ZMIZ1: variants seen among roughly 807,000 people sequenced by gnomAD.
ZMIZ1 encodes zinc finger MIZ domain-containing protein 1.
In ZMIZ1, 17 loss-of-function variants were observed where a neutral mutation model predicts 113.9. The observed-to-expected ratio is 0.15, with a 90% CI of 0.10 to 0.22. The LOEUF (loss-of-function observed/expected upper bound fraction) is 0.22. ZMIZ1 is among the 10% of genes least tolerant of loss of function. The pLI, the probability that ZMIZ1 is intolerant of heterozygous loss-of-function variation, is 1.00. For missense variants in ZMIZ1, 1,059 were observed against 1,477.8 expected, an observed-to-expected ratio of 0.72 and a Z score of 4.65; for synonymous variants, 607 against 603.1, an observed-to-expected ratio of 1.01 and a Z score of -0.09.
intron 4 of ZMIZ1, among the ~76,000 whole-genome samples, chr10:79,197,917 T>G (rs1265585853): frequency 6.6e-6 from 1 of 152,126 alleles, no homozygotes; most frequent in Non-Finnish European, 1.5e-5. Flanking sequence ...CATTTTAATC[T>G]CCGCACGCCC....
At chr10:79,098,558 A>G (rs959624392) in intron 1 of ZMIZ1, among the ~76,000 whole-genome samples, 3 of 152,210 alleles carry the variant, frequency 2.0e-5, no homozygotes, top group African/African-American at 2.4e-5. Flanking sequence ...AGCACCTGAT[A>G]AGTAATTGGC....
At chr10:79,205,895 A>C (rs111771854) in intron 5 of ZMIZ1, among the ~76,000 whole-genome samples, 4,396 of 152,156 alleles carry the variant, frequency 0.029, 202 homozygotes, top group African/African-American at 0.1. Flanking sequence ...TCAGGAGTTT[A>C]AGACCAGCCT....
intron 7 of ZMIZ1, among the ~76,000 whole-genome samples, chr10:79,237,576 AC>A (rs1364167943): frequency 1.3e-5 from 2 of 152,168 alleles, no homozygotes; most frequent in East Asian, 3.9e-4. Context: ...TGGCAACATA[AC>A]TTCAGTCTTC....
intron 7 of ZMIZ1, among the ~76,000 whole-genome samples, chr10:79,268,008 C>G (rs1355835433): frequency 6.6e-6 from 1 of 152,208 alleles, no homozygotes. Context: ...CCTTGAACTC[C>G]CAGGCTTCCC....
At chr10:79,130,785 A>G (rs568270716) in intron 2 of ZMIZ1, among the ~76,000 whole-genome samples, 27 of 152,270 alleles carry the variant, frequency 1.8e-4, no homozygotes, top group African/African-American at 6.3e-4. Flanking sequence ...GGGATTCAAT[A>G]AAGTGACACT....
chr10:79,190,134 T>A (rs1283457148), intron 4 of ZMIZ1, among the ~76,000 whole-genome samples: 2 of 152,170 alleles, frequency 1.3e-5, no homozygotes, highest in African/African-American at 2.4e-5. Flanking sequence ...TGCTTCCTAG[T>A]AAGAGCCAAG....
chr10:79,151,162 C>T (rs1845697477), intron 3 of ZMIZ1, among the ~76,000 whole-genome samples: 1 of 152,162 alleles, frequency 6.6e-6, no homozygotes, highest in African/African-American at 2.4e-5. Flanking sequence ...AGACCAGGCA[C>T]CTGAGCAGCC....
At chr10:79,298,955 G>A (rs1393391409) in intron 15 of ZMIZ1, 95 bp from the exon 16 acceptor site, 1 of 1,478,040 alleles carries the variant, frequency 6.8e-7, no homozygotes, top group East Asian at 2.4e-5. Context: ...GCCTTCCTCT[G>A]AGCATGCAGC....
intron 2 of ZMIZ1, among the ~76,000 whole-genome samples, chr10:79,138,027 C>G (rs2132401748): frequency 6.6e-6 from 1 of 152,344 alleles, no homozygotes; most frequent in East Asian, 1.9e-4. Context: ...CACTCTCCTT[C>G]ACCTCCTGAC....
intron 4 of ZMIZ1, among the ~76,000 whole-genome samples, chr10:79,187,379 A>G (rs1847393503): frequency 6.6e-6 from 1 of 152,230 alleles, no homozygotes; most frequent in Admixed American, 6.5e-5. Flanking sequence ...TTCCGGTCCC[A>G]GCAACCTCAC....
chr10:79,233,239 G>A (rs1000038447), intron 7 of ZMIZ1, among the ~76,000 whole-genome samples: 2 of 152,260 alleles, frequency 1.3e-5, no homozygotes, highest in Non-Finnish European at 2.9e-5. Flanking sequence ...CGCAGCTGGG[G>A]AGACTGAGGC....
At chr10:79,253,530 C>T (rs369437066) in intron 7 of ZMIZ1, among the ~76,000 whole-genome samples, 2 of 152,188 alleles carry the variant, frequency 1.3e-5, no homozygotes, top group African/African-American at 2.4e-5. Flanking sequence ...AAGCCTTCCA[C>T]GTATGCAGTG....
At chr10:79,249,857 G>C (rs539486983) in intron 7 of ZMIZ1, among the ~76,000 whole-genome samples, 2 of 152,130 alleles carry the variant, frequency 1.3e-5, no homozygotes, top group African/African-American at 4.8e-5. Flanking sequence ...ACTACCCGGG[G>C]CTCTTAAAAT....
intron 16 of ZMIZ1, 67 bp from the exon 17 acceptor site, chr10:79,300,665 C>T (rs763890166): frequency 1.6e-4 from 245 of 1,515,498 alleles, no homozygotes; most frequent in Admixed American, 2.8e-4. Flanking sequence ...TGACCTGGCT[C>T]GGGGTCACGG....
Position 79,296,901 on chromosome 10 carries a change from G to T in ZMIZ1, c.1413+248G>T. 1 of 388,752 alleles carries T rather than the reference G, an allele frequency of 2.6e-6. No homozygotes were observed. Among genetic ancestry groups the T allele is most frequent in the Non-Finnish European group, 4.5e-6 (1 of 220,008 alleles). The allele number at this position is 388,752 out of a possible 1,614,324, so 24.1% of individuals were successfully genotyped here. A position where few individuals can be genotyped will look rare whatever the true frequency, so the allele number is the denominator to read the frequency against. ...TTTTTTTCTCCTTTTCTTATTCACGGCACTCACAAAATAATAAAGGAAATA... is the reference window on the plus strand; with the variant it reads ...TTTTTTTCTCCTTTTCTTATTCACGTCACTCACAAAATAATAAAGGAAATA... On this transcript the variant is annotated intron_variant, in intron 13 of 24. Coordinates refer to ENST00000334512, the MANE Select transcript of ZMIZ1 (RefSeq NM_020338.4). The surrounding 1 kb of genome is among the most constrained non-coding windows in gnomAD (Gnocchi z 4.1).
At chr10:79,299,219 C>T (rs1854128596) in intron 16 of ZMIZ1, 28 bp downstream of exon 16, 3 of 1,585,358 alleles carry the variant, frequency 1.9e-6, no homozygotes, top group Non-Finnish European at 2.6e-6. Context: ...GGCGCCAGCC[C>T]AGGCGGGATG....
chr10:79,167,844 A>G (rs114133899), intron 4 of ZMIZ1, among the ~76,000 whole-genome samples: 1,731 of 152,180 alleles, frequency 0.011, 33 homozygotes, highest in African/African-American at 0.04. Flanking sequence ...AGCCCCTCCC[A>G]CATCAGCCAG....
chr10:79,216,252 C>T lies in ZMIZ1; in HGVS notation c.258C>T (p.Asp86=), dbSNP rs750739575. 20 of 1,591,798 alleles carry T rather than the reference C, an allele frequency of 1.3e-5. No homozygotes were observed. Among genetic ancestry groups the T allele is most frequent in the Non-Finnish European group, 1.6e-5 (19 of 1,169,116 alleles). The change falls in exon 7 of 25, where the codon GAC becomes GAT. Residue 86 remains aspartate (D), a synonymous_variant. Coordinates refer to ENST00000334512, the MANE Select transcript of ZMIZ1 (RefSeq NM_020338.4). ...RLLAVCAANR[D]KFTPKSAALL... is the part of the protein sequence containing the mutation. Reference sequence around the variant, plus strand: ...TGGCTGTGTGTGCTGCAAACCGAGACAAGTTCACCCCGAAGTCTGCCGGTA... The same window carrying T: ...TGGCTGTGTGTGCTGCAAACCGAGATAAGTTCACCCCGAAGTCTGCCGGTA...
intron 1 of ZMIZ1, among the ~76,000 whole-genome samples, chr10:79,106,225 A>G (rs1440235030): frequency 6.6e-6 from 1 of 152,242 alleles, no homozygotes; most frequent in Non-Finnish European, 1.5e-5. Context: ...CTCCTAGGCC[A>G]GAGACCAAGA....
Sources: allele counts gnomAD v4.1 joint callset (sites outside exome capture counted in the v4.1 genomes callset), GRCh38; gene constraint gnomAD v4.1.1; non-coding constraint Gnocchi (gnomAD v3.1); transcripts MANE v1.5; gene names NCBI Gene and HGNC (gene_info 2026-07-23, HGNC 2026-07-21).